The following KIFC3 variants were observed in gnomAD, a reference collection of about 807,000 sequenced individuals.
KIFC3 encodes the protein kinesin family member C3.
A neutral mutation model predicts 101.8 loss-of-function variants in KIFC3; 60 were observed. That is an observed-to-expected ratio of 0.59 (90% CI 0.48 to 0.73). The LOEUF (loss-of-function observed/expected upper bound fraction) is 0.73, where lower values mean the gene tolerates loss of function less well. Ranked by LOEUF, KIFC3 falls within the 30% of genes least tolerant of loss-of-function variation. The probability of loss-of-function intolerance (pLI) is 0.00; values close to 1 mark genes in which losing one functional copy is unlikely to be tolerated. For synonymous variants in KIFC3, 476 were observed against 482.7 expected (o/e 0.99, Z 0.18); for missense variants, 966 against 1,137.1 (o/e 0.85, Z 2.16).
intron 13 of KIFC3, 90 bp from the exon 14 acceptor site, chr16:57,761,626 C>A: frequency 3.3e-6 from 5 of 1,493,168 alleles, no homozygotes. Context: ...AATGTTCCCC[C>A]AACCCAGGAA....
chr16:57,826,111 C>G (rs1427606077), intron 1 of KIFC3, among the ~76,000 whole-genome samples: 1 of 152,272 alleles, frequency 6.6e-6, no homozygotes, highest in Non-Finnish European at 1.5e-5. Flanking sequence ...ATCATTGCCA[C>G]CAGTGGCTGG....
Position 57,790,380 on chromosome 16 carries a change from CT to C in KIFC3, c.315+4618del, listed in dbSNP as rs200519923. 2.7e-3 allele frequency among the ~76,000 whole-genome samples: 348 copies of C among 129,182 alleles called. 4 individuals are homozygous for C. The East Asian group carries it at 0.031, about 11-fold the overall frequency. The allele number at this position is 129,182 out of a possible 152,430, so 84.7% of individuals were successfully genotyped here. On this transcript the variant is annotated intron_variant, in intron 3 of 19. Coordinates refer to ENST00000445690, the MANE Select transcript of KIFC3 (RefSeq NM_001130100.2). ...TACAAGCATGAGCCACCATGCCCAG[CT>C]TTTTTTTTTTTTTTTTTCATATCAA...
intron 1 of KIFC3, chr16:57,862,645 ATGT>A (rs1345175505): frequency 5.5e-6 from 2 of 365,146 alleles, no homozygotes; most frequent in African/African-American, 4.2e-5. Flanking sequence ...TTTCAAAAAG[ATGT>A]TGTCAGTCCT....
chr16:57,764,117 C>A (rs1419787529), intron 12 of KIFC3, 26 bp downstream of exon 12: 6 of 1,535,786 alleles, frequency 3.9e-6, no homozygotes, highest in Non-Finnish European at 5.4e-6. Flanking sequence ...TCACTGTGAA[C>A]CCCCACCCCA....
intron 3 of KIFC3, among the ~76,000 whole-genome samples, chr16:57,787,820 G>T (rs2053489052): frequency 6.6e-6 from 1 of 152,242 alleles, no homozygotes; most frequent in Non-Finnish European, 1.5e-5. Context: ...CTCTGGGACA[G>T]CCTCAGAGAA....
intron 1 of KIFC3, among the ~76,000 whole-genome samples, chr16:57,822,957 G>T (rs1472560849): frequency 2.8e-5 from 3 of 109,068 alleles, no homozygotes; most frequent in Non-Finnish European, 5.4e-5. Context: ...AAATTCTAAG[G>T]TCCCCCCCAA....
chr16:57,782,161 T>G, intron 3 of KIFC3: 1 of 984,682 alleles, frequency 1.0e-6, no homozygotes, highest in South Asian at 4.7e-5. Flanking sequence ...CACCACACAT[T>G]ACAGTTGACC....
chr16:57,854,426 G>A (rs1176376569), intron 1 of KIFC3, among the ~76,000 whole-genome samples: 3 of 152,076 alleles, frequency 2.0e-5, no homozygotes, highest in Middle Eastern at 3.2e-3. Flanking sequence ...TCAGGAGTTC[G>A]AGACCAGCCT....
chr16:57,791,812 G>A (rs1321324844), intron 3 of KIFC3, among the ~76,000 whole-genome samples: 2 of 152,146 alleles, frequency 1.3e-5, no homozygotes, highest in East Asian at 1.9e-4. Context: ...AGTAAAGAGC[G>A]GGTCCTCAGG....
rs567419902 is a variant in KIFC3, at chr16:57,853,734, C to T, written c.108+8995G>A. Reference sequence around the variant, plus strand: ...GCAACCTCCACCTCCCAGGTTCAAGCAATTCTCCTGTCTCAGCCTCCTGAG... The same window carrying T: ...GCAACCTCCACCTCCCAGGTTCAAGTAATTCTCCTGTCTCAGCCTCCTGAG... On this transcript the variant is annotated intron_variant, in intron 1 of 2. Transcript: ENST00000563028. 4.2e-4 allele frequency among the ~76,000 whole-genome samples: 64 copies of T among 152,254 alleles called. 1 individual carries two copies. The South Asian group carries it at 0.013, about 30-fold the overall frequency.
In KIFC3 at chr16:57,769,861, T is replaced by A. The variant is rs199807514; in HGVS notation, c.1034A>T (p.Glu345Val). 1.9e-6 allele frequency: 3 copies of A among 1,613,812 alleles called. No homozygotes were observed. The East Asian group carries it at 6.7e-5, about 36-fold the overall frequency. Residue 345 changes from glutamate to valine, a missense_variant, in exon 8 of 20, where the codon GAG becomes GTG. Glu to Val is a moderately radical substitution (Grantham distance 121). Around this residue, in one of 2 missense-constraint regions of KIFC3, gnomAD observed 689 missense variants for 884.6 expected, o/e 0.78. Transcript: ENST00000445690. The surrounding 1 kb of genome is among the most constrained non-coding windows in gnomAD (Gnocchi z 4.3). The stretch of plus-strand genomic sequence containing the variant: ...CTCCACCTGGGCTCTGGCAAAGGCC[T>A]CCTCAATGGCCCGGTTCTTGTCCTC... ...LEEDKNRAIE[E>V]AFARAQVEMK...
intron 1 of KIFC3, among the ~76,000 whole-genome samples, chr16:57,822,981 C>A (rs1318533207): frequency 6.6e-6 from 1 of 152,044 alleles, no homozygotes; most frequent in Non-Finnish European, 1.5e-5. Context: ...TCTGAATAAA[C>A]CCCTCCTCTT....
chr16:57,794,906 A>G, intron 3 of KIFC3, 93 bp downstream of exon 3: 1 of 1,235,788 alleles, frequency 8.1e-7, no homozygotes, highest in South Asian at 1.7e-5. Context: ...GGCTCTCCCC[A>G]GGTGCTTCCT....
chr16:57,789,413 C>G (rs1555619281), intron 3 of KIFC3, among the ~76,000 whole-genome samples: 1 of 152,252 alleles, frequency 6.6e-6, no homozygotes. Flanking sequence ...GCCGCTCACA[C>G]AGAAAGATGC....
At position 57,760,899 on chromosome 16, in the gene KIFC3, C is replaced by T. The variant is rs782666457; in HGVS notation, c.2059G>A (p.Glu687Lys). 14 of 1,609,706 alleles carry T rather than the reference C, an allele frequency of 8.7e-6. No homozygotes were observed. The highest frequency in any genetic ancestry group is 1.7e-4 in the Middle Eastern group (1 of 6,054). ...GSERVGKSGA[E>K]GSRLREAQHI... ...TGCGCCTCCCGCAGGCGGCTGCCCT[C>T]GGCCCCCGACTTGCCCACGCGCTCC... The change falls in exon 16 of 20, where the codon GAG becomes AAG. Residue 687 changes from glutamate (E) to lysine (K), a missense_variant. Glu to Lys is a moderately conservative substitution (Grantham distance 56). Coordinates refer to ENST00000445690, the MANE Select transcript of KIFC3 (RefSeq NM_001130100.2).
chr16:57,771,072 C>A, intron 6 of KIFC3, 126 bp downstream of exon 6: 1 of 1,256,558 alleles, frequency 8.0e-7, no homozygotes. Flanking sequence ...AAGCACAGAA[C>A]TGGAATGATT....
rs1057271958 is a variant in KIFC3, at chr16:57,798,231, G to T, written c.13C>A (p.Arg5Ser). The T allele has an allele frequency of 6.4e-7, 1 of 1,551,762 alleles. No homozygotes were observed. The highest frequency in any genetic ancestry group is 8.7e-7 in the Non-Finnish European group (1 of 1,148,488). ...GTGGCTCCCAGGTTCCACGTCCTGCGAGAGGGGACCATGGCCTGGGGCTCA... is the reference window on the plus strand; with the variant it reads ...GTGGCTCCCAGGTTCCACGTCCTGCTAGAGGGGACCATGGCCTGGGGCTCA... MVPS[R>S]RTWNLGATPS... The change falls in exon 2 of 20, where the codon CGC becomes AGC. Residue 5 changes from arginine to serine, a missense_variant. By Grantham distance (110) the Arg-to-Ser change is moderately radical (BLOSUM62 -1). Transcript: ENST00000445690.
chr16:57,817,882 C>G (rs1209847184), intron 1 of KIFC3, among the ~76,000 whole-genome samples: 1 of 152,188 alleles, frequency 6.6e-6, no homozygotes, highest in Non-Finnish European at 1.5e-5. Flanking sequence ...CCAGAAATCA[C>G]CCAGCCTCTG....
intron 17 of KIFC3, 67 bp downstream of exon 17, chr16:57,760,215 G>A: frequency 1.3e-6 from 2 of 1,547,844 alleles, no homozygotes; most frequent in South Asian, 1.2e-5. Flanking sequence ...CCAGCTCCCT[G>A]CTCCTGCCAT....
Sources: gnomAD v4.1 joint callset for allele counts (sites outside exome capture counted in the v4.1 genomes callset) on GRCh38, gnomAD v4.1.1 for gene constraint, gnomAD v4.1.1 regional missense constraint, Gnocchi (gnomAD v3.1) non-coding constraint, MANE v1.5 for transcripts, NCBI Gene and HGNC (gene_info 2026-07-23, HGNC 2026-07-21) for gene names.